MSANTD2: variants seen among roughly 807,000 people sequenced by gnomAD.
The protein encoded by MSANTD2 is myb/SANT-like DNA-binding domain-containing protein 2.
Under a neutral mutation model 52.6 loss-of-function variants are expected in MSANTD2, and 19 were observed. The observed-to-expected ratio is 0.36, with a 90% CI of 0.25 to 0.53. The LOEUF (loss-of-function observed/expected upper bound fraction) is 0.53, where lower values mean the gene tolerates loss of function less well. Among genes scored for constraint, MSANTD2 ranks in the 20% least tolerant of loss-of-function variants. The pLI is 0.91. For missense variants in MSANTD2, 558 were observed against 716.3 expected, an observed-to-expected ratio of 0.78 and a Z score of 2.52; for synonymous variants, 291 against 289.7, an observed-to-expected ratio of 1.00 and a Z score of -0.04.
intron 1 of MSANTD2, among the ~76,000 whole-genome samples, chr11:124,780,367 T>C (rs1944913098): frequency 6.6e-6 from 1 of 152,136 alleles, no homozygotes. Context: ...CCTAAATCCT[T>C]TAAAACCAAC....
intron 3 of MSANTD2, among the ~76,000 whole-genome samples, chr11:124,768,516 G>A (rs1461583084): frequency 6.6e-6 from 1 of 152,144 alleles, no homozygotes; most frequent in African/African-American, 2.4e-5. Flanking sequence ...ATAATTAACA[G>A]CTTAATTTCT....
chr11:124,785,529 T>C (rs928886348), intron 1 of MSANTD2, among the ~76,000 whole-genome samples: 1 of 152,122 alleles, frequency 6.6e-6, no homozygotes, highest in Non-Finnish European at 1.5e-5. Context: ...TATACCGAAT[T>C]GAGGCAAGGT....
chr11:124,781,344 A>G (rs1292374721), intron 1 of MSANTD2, among the ~76,000 whole-genome samples: 1 of 152,214 alleles, frequency 6.6e-6, no homozygotes, highest in Non-Finnish European at 1.5e-5. Flanking sequence ...TTCCAACTGC[A>G]TCACACAGTA....
At chr11:124,799,782 T>C in intron 1 of MSANTD2, 89 bp downstream of exon 1, 4 of 940,626 alleles carry the variant, frequency 4.3e-6, no homozygotes, top group East Asian at 3.1e-5. Flanking sequence ...AGGAGAGCCC[T>C]GCCCTCAGAC....
intron 1 of MSANTD2, among the ~76,000 whole-genome samples, chr11:124,781,013 T>C (rs531643929): frequency 3.9e-5 from 6 of 152,146 alleles, no homozygotes; most frequent in African/African-American, 1.4e-4. Context: ...CATAACCCCG[T>C]CTCTACTAAA....
At chr11:124,796,655 A>G (rs1318919396) in intron 1 of MSANTD2, among the ~76,000 whole-genome samples, 1 of 152,202 alleles carries the variant, frequency 6.6e-6, no homozygotes, top group Non-Finnish European at 1.5e-5. Flanking sequence ...ATTAGCCCAG[A>G]AATGTAATTG....
At chr11:124,781,317 G>A (rs183234213) in intron 1 of MSANTD2, among the ~76,000 whole-genome samples, 231 of 152,026 alleles carry the variant, frequency 1.5e-3, no homozygotes, top group Non-Finnish European at 2.4e-3. Context: ...TAAATGATTC[G>A]TTATGCTGAT....
intron 1 of MSANTD2, 49 bp downstream of exon 1, chr11:124,799,822 G>T: frequency 7.0e-7 from 1 of 1,435,254 alleles, no homozygotes; most frequent in Non-Finnish European, 9.4e-7. Flanking sequence ...CCGCTTCCCC[G>T]CCTTCTCTCT....
chr11:124,787,306 C>G lies in MSANTD2; in HGVS notation c.511-12332G>C, dbSNP rs74381944. On this transcript the variant is annotated intron_variant, in intron 1 of 3. Coordinates refer to ENST00000374979, the MANE Select transcript of MSANTD2 (RefSeq NM_001308027.2). ...GAACCCTTACCCTAGCAATCAGTGT[C>G]AGAGTCATGTTGAGAAAAGCAAGCT... 8.8e-3 allele frequency among the ~76,000 whole-genome samples: 1,340 copies of G among 152,302 alleles called. 17 individuals carry two copies. Among genetic ancestry groups the G allele is most frequent in the African/African-American group, 0.03 (1,264 of 41,562 alleles).
intron 2 of MSANTD2, among the ~76,000 whole-genome samples, chr11:124,773,590 G>A (rs756517720): frequency 6.6e-6 from 1 of 152,070 alleles, no homozygotes; most frequent in Non-Finnish European, 1.5e-5. Context: ...TCTTCTAATC[G>A]TTAAGTCCAT....
intron 1 of MSANTD2, 80 bp downstream of exon 1, chr11:124,799,791 A>ACCGGCC (rs1377526877): frequency 1.8e-6 from 2 of 1,086,588 alleles, no homozygotes; most frequent in African/African-American, 1.6e-5. Context: ...CTGCCCTCAG[A>ACCGGCC]CCGGCCCCCG....
chr11:124,780,144 G>A (rs564350047), intron 1 of MSANTD2, among the ~76,000 whole-genome samples: 10 of 152,224 alleles, frequency 6.6e-5, no homozygotes, highest in Admixed American at 5.2e-4. Context: ...AATATCTTAT[G>A]TAGCATACAT....
At position 124,800,213 on chromosome 11, in the gene MSANTD2, C is replaced by G; in HGVS notation, c.168G>C (p.Ala56=). The change falls in exon 1 of 4, where the codon GCG becomes GCC. Residue 56 remains alanine, a synonymous_variant. Coordinates refer to ENST00000374979, the MANE Select transcript of MSANTD2 (RefSeq NM_001308027.2). This position sits in a 1 kb window ranked among gnomAD's most constrained non-coding sequence, Gnocchi z 4.3. ...GASPLGPGSA[A]GSGAAASGGL... The stretch of plus-strand genomic sequence containing the variant: ...CCCCGGACGCCGCTGCCCCCGAGCC[C>G]GCCGCACTGCCCGGCCCGAGCGGGG... 2 of 1,491,342 alleles carry G rather than the reference C, an allele frequency of 1.3e-6. No individual in the cohort carries two copies. Among genetic ancestry groups the G allele is most frequent in the Non-Finnish European group, 1.8e-6 (2 of 1,122,198 alleles). 92.4% of individuals were successfully genotyped at this position (1,491,342 alleles called of 1,614,324 possible).
rs554787290 is a variant in MSANTD2 at position 124,793,143 on chromosome 11, T to C, written c.510+6728A>G. Among the ~76,000 whole-genome samples the C allele has an allele frequency of 3.9e-5, 6 of 152,336 alleles. No homozygotes were observed. In the East Asian group the frequency reaches 1.2e-3, roughly 29 times the overall value. ...TTATTTATATTGTTTAAGTTATCAA[T>C]CCTGGCCCCTGAATTTAGAATAACA... On this transcript the variant is annotated intron_variant, in intron 1 of 3. Transcript: ENST00000374979.
intron 1 of MSANTD2, chr11:124,792,816 G>A (rs1945373209): frequency 6.6e-6 from 1 of 152,176 alleles, no homozygotes; most frequent in Non-Finnish European, 1.5e-5. Context: ...GAAATCTTGT[G>A]ATGAATCTGT....
At position 124,767,778 on chromosome 11, in the gene MSANTD2, T is replaced by C; in HGVS notation, c.1078A>G (p.Met360Val). Residue 360 changes from methionine to valine, a missense_variant, in exon 4 of 4, where the codon ATG becomes GTG. Met to Val is a conservative substitution (Grantham distance 21). Coordinates refer to ENST00000374979, the MANE Select transcript of MSANTD2 (RefSeq NM_001308027.2). This position sits in a 1 kb window ranked among gnomAD's most constrained non-coding sequence, Gnocchi z 6.5. ...NSEKPEGRII[M>V]TRVQKMNWKN... ...CAGTTCATTTTCTGCACTCGGGTCA[T>C]AATGATCCGTCCTTCAGGCTTCTCA... 1 of 1,614,240 alleles carries C rather than the reference T, an allele frequency of 6.2e-7. No homozygotes were observed.
chr11:124,798,771 G>T (rs1477117072), intron 1 of MSANTD2, among the ~76,000 whole-genome samples: 1 of 151,904 alleles, frequency 6.6e-6, no homozygotes, highest in Non-Finnish European at 1.5e-5. Context: ...TTTTATAATT[G>T]TTCTTGGTGG....
chr11:124,784,485 C>A (rs1477424445), intron 1 of MSANTD2: 5 of 793,890 alleles, frequency 6.3e-6, no homozygotes, highest in Middle Eastern at 6.5e-4. Flanking sequence ...AAATTAAACC[C>A]CCCCCCCGCC....
chr11:124,800,263 C>T lies in MSANTD2; in HGVS notation c.118G>A (p.Asp40Asn). ...GLSDGNPSLS[D>N]PSTPRGASPL... ...GAGGCACCCCGAGGCGTGGAAGGGTCGGACAGCGATGGATTTCCGTCGCTC... is the reference window on the plus strand; with the variant it reads ...GAGGCACCCCGAGGCGTGGAAGGGTTGGACAGCGATGGATTTCCGTCGCTC... The change falls in exon 1 of 4, where the codon GAC (aspartate) becomes AAC (asparagine). Residue 40 changes from aspartate to asparagine, a missense_variant. Physicochemically the swap from Asp to Asn is conservative, Grantham distance 23. Coordinates refer to ENST00000374979, the MANE Select transcript of MSANTD2 (RefSeq NM_001308027.2). This position sits in a 1 kb window ranked among gnomAD's most constrained non-coding sequence, Gnocchi z 4.3. 8 of 1,567,620 alleles carry T rather than the reference C, an allele frequency of 5.1e-6. No homozygotes were observed. Among genetic ancestry groups the T allele is most frequent in the Non-Finnish European group, 6.0e-6 (7 of 1,159,942 alleles).
Sources: gnomAD v4.1 joint callset for allele counts (sites outside exome capture counted in the v4.1 genomes callset) on GRCh38, gnomAD v4.1.1 for gene constraint, Gnocchi (gnomAD v3.1) non-coding constraint, MANE v1.5 for transcripts, NCBI Gene and HGNC (gene_info 2026-07-23, HGNC 2026-07-21) for gene names.